The following OR3A2 variants were observed in gnomAD, a reference collection of about 807,000 sequenced individuals.
OR3A2 encodes olfactory receptor family 3 subfamily A member 2.
For synonymous variants in OR3A2, 126 were observed against 159.3 expected, an observed-to-expected ratio of 0.79 and a Z score of 1.57; for missense variants, 318 against 392.8, an observed-to-expected ratio of 0.81 and a Z score of 1.61.
In OR3A2 at chr17:3,370,623, T is replaced by A. The variant is rs530022695; in HGVS notation, c.-179+13181A>T. 3.7e-4 allele frequency among the ~76,000 whole-genome samples: 48 copies of A among 129,668 alleles called. 1 individual carries two copies. In the South Asian group the frequency reaches 0.013, roughly 36 times the overall value. The allele number at this position is 129,668 out of a possible 152,430, so 85.1% of individuals were successfully genotyped here. A position where few individuals can be genotyped will look rare whatever the true frequency, so the allele number is the denominator to read the frequency against. On this transcript the variant is annotated intron_variant, in intron 2 of 4. Transcript: ENST00000573491. Reference sequence around the variant, plus strand: ...AAGGTGTGAACTTAGATTGTCTATTTGTTCTTTCGGATTTTTTTTTTTATT... The same window carrying A: ...AAGGTGTGAACTTAGATTGTCTATTAGTTCTTTCGGATTTTTTTTTTTATT...
At chr17:3,328,989 C>T (rs928885783) in intron 3 of OR3A2, among the ~76,000 whole-genome samples, 144 of 150,458 alleles carry the variant, frequency 9.6e-4, no homozygotes, top group Admixed American at 1.4e-3. Flanking sequence ...TTGTCTTTGG[C>T]TCTGTTTATA....
intron 3 of OR3A2, among the ~76,000 whole-genome samples, chr17:3,317,707 G>A (rs949166332): frequency 5.9e-5 from 9 of 152,156 alleles, no homozygotes; most frequent in Non-Finnish European, 8.8e-5. Flanking sequence ...GAGTCAACAA[G>A]TATAGTGTAG....
At chr17:3,380,753 G>C (rs918867795) in intron 2 of OR3A2, among the ~76,000 whole-genome samples, 7 of 152,162 alleles carry the variant, frequency 4.6e-5, no homozygotes, top group African/African-American at 1.4e-4. Context: ...GCCAAGGAGA[G>C]ACTGGATTTA....
intron 3 of OR3A2, among the ~76,000 whole-genome samples, chr17:3,331,983 G>A (rs1355353103): frequency 6.6e-6 from 1 of 151,614 alleles, no homozygotes; most frequent in African/African-American, 2.4e-5. Context: ...CGTGTGAGAT[G>A]TCAGTGTGCC....
intron 3 of OR3A2, among the ~76,000 whole-genome samples, chr17:3,302,189 A>G (rs1215875227): frequency 6.6e-6 from 1 of 152,202 alleles, no homozygotes; most frequent in East Asian, 1.9e-4. Context: ...TATAGATTCA[A>G]TGCCATCCCC....
rs553459244 is a variant in OR3A2 at position 3,350,002 on chromosome 17, A to G, written c.-178-13876T>C. Among the ~76,000 whole-genome samples, 311 of 147,810 alleles carry G rather than the reference A, an allele frequency of 2.1e-3. 1 individual carries two copies. The highest frequency in any genetic ancestry group is 7.5e-3 in the African/African-American group (294 of 39,100). On this transcript the variant is annotated intron_variant, in intron 2 of 4. Transcript: ENST00000573491. ...AAACCAACGAGAACAAAGACACAACATACCAGAATCTCTGGGACACATTCA... is the reference window on the plus strand; with the variant it reads ...AAACCAACGAGAACAAAGACACAACGTACCAGAATCTCTGGGACACATTCA...
intron 3 of OR3A2, among the ~76,000 whole-genome samples, chr17:3,306,911 C>T (rs1874510906): frequency 6.6e-6 from 1 of 152,166 alleles, no homozygotes; most frequent in Non-Finnish European, 1.5e-5. Context: ...GTGAGTGTCA[C>T]TCTTATACTT....
At chr17:3,376,244 C>T (rs1293818486) in intron 2 of OR3A2, among the ~76,000 whole-genome samples, 1 of 152,216 alleles carries the variant, frequency 6.6e-6, no homozygotes, top group Non-Finnish European at 1.5e-5. Context: ...GGAGGTGGCA[C>T]TTTCAAGAGA....
At chr17:3,363,837 A>C (rs1447305871) in intron 2 of OR3A2, among the ~76,000 whole-genome samples, 1 of 152,214 alleles carries the variant, frequency 6.6e-6, no homozygotes, top group Non-Finnish European at 1.5e-5. Flanking sequence ...GTGAAGCAGA[A>C]ACAAGCACCT....
chr17:3,280,463 G>A (rs1033916200), intron 1 of OR3A2, among the ~76,000 whole-genome samples: 4 of 152,062 alleles, frequency 2.6e-5, no homozygotes, highest in South Asian at 2.1e-4. Flanking sequence ...TAGTAGAGAC[G>A]GGGTTTCACC....
At chr17:3,332,191 G>A (rs2049241464) in intron 3 of OR3A2, among the ~76,000 whole-genome samples, 1 of 152,242 alleles carries the variant, frequency 6.6e-6, no homozygotes, top group Admixed American at 6.5e-5. Context: ...CCCCAGAGGT[G>A]GAGCCTACAG....
chr17:3,366,050 A>G (rs1318704285), intron 2 of OR3A2, among the ~76,000 whole-genome samples: 1 of 152,174 alleles, frequency 6.6e-6, no homozygotes, highest in Non-Finnish European at 1.5e-5. Flanking sequence ...TGTTCACTCA[A>G]GAGTCAAAAT....
rs74883929 is a variant in OR3A2 at position 3,357,503 on chromosome 17, G to A, written c.-178-21377C>T. 7.9e-5 allele frequency among the ~76,000 whole-genome samples: 12 copies of A among 151,620 alleles called. No individual in the cohort carries two copies. The East Asian group carries it at 1.9e-3, about 24-fold the overall frequency. On this transcript the variant is annotated intron_variant, in intron 2 of 4. Transcript: ENST00000573491. ...TAATTCCATTTTTGTGAGGTGTCTAGAATAGTCAAACTCAAAGAGACAAGG... is the reference window on the plus strand; with the variant it reads ...TAATTCCATTTTTGTGAGGTGTCTAAAATAGTCAAACTCAAAGAGACAAGG...
At chr17:3,359,793 G>C (rs1034168233) in intron 2 of OR3A2, among the ~76,000 whole-genome samples, 2 of 151,612 alleles carry the variant, frequency 1.3e-5, no homozygotes, top group African/African-American at 4.9e-5. Flanking sequence ...GTGTGTATGT[G>C]CCACATTTTC....
chr17:3,368,951 C>G (rs1047468400), intron 2 of OR3A2, among the ~76,000 whole-genome samples: 1 of 152,130 alleles, frequency 6.6e-6, no homozygotes, highest in Non-Finnish European at 1.5e-5. Flanking sequence ...GATCTTTCAT[C>G]TCCTTGGTTA....
exon 2 of OR3A2, chr17:3,278,248 C>T (rs748048838): frequency 6.2e-6 from 10 of 1,614,076 alleles, no homozygotes; most frequent in East Asian, 2.2e-5. Flanking sequence ...GCAGCTGCCA[C>T]GTGGCTGTAG....
At chr17:3,291,917 G>T in intron 3 of OR3A2, 1 of 1,614,212 alleles carries the variant, frequency 6.2e-7, no homozygotes, top group South Asian at 1.1e-5. Context: ...CTGCCACGTG[G>T]ATATAGGAGA....
Position 3,311,354 on chromosome 17 carries a change from A to G in OR3A2, c.-85+24679T>C, listed in dbSNP as rs1444224518. 3 of 531,910 alleles carry G rather than the reference A, an allele frequency of 5.6e-6. No homozygotes were observed. Among genetic ancestry groups the G allele is most frequent in the Non-Finnish European group, 1.2e-5 (3 of 257,872 alleles). 32.9% of individuals were successfully genotyped at this position (531,910 alleles called of 1,614,324 possible). Reference sequence around the variant, plus strand: ...TGTCACCTCTTAATAGCCATGGCCTATGACCGCTACCTGGCTATCTGTCAG... The same window carrying G: ...TGTCACCTCTTAATAGCCATGGCCTGTGACCGCTACCTGGCTATCTGTCAG... On this transcript the variant is annotated intron_variant, in intron 3 of 4. Transcript: ENST00000573491. This position sits in a 1 kb window ranked among gnomAD's most constrained non-coding sequence, Gnocchi z 4.6.
chr17:3,358,830 T>C (rs2049484671), intron 2 of OR3A2, among the ~76,000 whole-genome samples: 1 of 151,740 alleles, frequency 6.6e-6, no homozygotes, highest in African/African-American at 2.4e-5. Context: ...GTCCTAAATA[T>C]CATTGTTAAT....
Sources: gnomAD v4.1 joint callset for allele counts (sites outside exome capture counted in the v4.1 genomes callset) on GRCh38, gnomAD v4.1.1 for gene constraint, Gnocchi (gnomAD v3.1) non-coding constraint, MANE v1.5 for transcripts, NCBI Gene and HGNC (gene_info 2026-07-23, HGNC 2026-07-21) for gene names.